RNF149: variants seen among roughly 807,000 people sequenced by gnomAD.
RNF149 encodes ring finger protein 149, also known as E3 ubiquitin-protein ligase RNF149.
Under a neutral mutation model 39.0 loss-of-function variants are expected in RNF149, and 21 were observed. The ratio of observed to expected loss-of-function variants is 0.54; its 90% CI spans 0.38 to 0.77. The LOEUF (loss-of-function observed/expected upper bound fraction) is 0.77, where lower values mean the gene tolerates loss of function less well. Among genes scored for constraint, RNF149 ranks in the 30% least tolerant of loss-of-function variants. The pLI is 0.00. For missense variants in RNF149, 493 were observed against 534.9 expected, an observed-to-expected ratio of 0.92 and a Z score of 0.77; for synonymous variants, 209 against 213.6, an observed-to-expected ratio of 0.98 and a Z score of 0.19.
At chr2:101,303,988 A>G (rs1683559838) in intron 1 of RNF149, among the ~76,000 whole-genome samples, 1 of 152,232 alleles carries the variant, frequency 6.6e-6, no homozygotes. Context: ...GTTAACAAAC[A>G]TATGTATGTT....
chr2:101,294,619 C>G, intron 2 of RNF149: 1 of 270,704 alleles, frequency 3.7e-6, no homozygotes, highest in South Asian at 5.1e-5. Flanking sequence ...GGCTTTACTA[C>G]GGCTCCATGA....
chr2:101,296,442 T>G (rs1683238394), intron 1 of RNF149, among the ~76,000 whole-genome samples: 1 of 152,150 alleles, frequency 6.6e-6, no homozygotes, highest in Non-Finnish European at 1.5e-5. Context: ...GAACAATGTT[T>G]TAAACAGTGA....
intron 3 of RNF149, among the ~76,000 whole-genome samples, chr2:101,289,409 T>C (rs1682919649): frequency 6.6e-6 from 1 of 152,142 alleles, no homozygotes; most frequent in African/African-American, 2.4e-5. Flanking sequence ...TATTTATTTT[T>C]AAGAGACAGG....
intron 1 of RNF149, among the ~76,000 whole-genome samples, chr2:101,301,594 C>T (rs531240810): frequency 4.2e-4 from 64 of 152,276 alleles, no homozygotes; most frequent in Non-Finnish European, 7.4e-4. Flanking sequence ...GTATGCATCA[C>T]GATGTCCCAC....
Position 101,276,330 on chromosome 2 carries a change from GA to G in RNF149, c.*907del. The G allele has an allele frequency of 2.0e-6, 2 of 985,754 alleles. No homozygotes were observed. The highest frequency in any genetic ancestry group is 9.4e-5 in the South Asian group (2 of 21,292). The allele number at this position is 985,754 out of a possible 1,614,324, so 61.1% of individuals were successfully genotyped here. A position where few individuals can be genotyped will look rare whatever the true frequency, so the allele number is the denominator to read the frequency against. ...AGAACAGCAAGCAAGTAAAAAAGAA[GA>G]AACGGTTAAGCAAGGTCATGGTATT... On this transcript the variant is annotated 3_prime_UTR_variant, in exon 7 of 7. Coordinates refer to ENST00000295317, the MANE Select transcript of RNF149 (RefSeq NM_173647.4).
At chr2:101,301,393 T>TTA (rs1295179036) in intron 1 of RNF149, among the ~76,000 whole-genome samples, 3 of 151,890 alleles carry the variant, frequency 2.0e-5, no homozygotes, top group African/African-American at 7.3e-5. Context: ...AGCTGCACGA[T>TTA]TATAGCTCAC....
intron 1 of RNF149, among the ~76,000 whole-genome samples, chr2:101,304,666 T>C (rs1683587513): frequency 6.6e-6 from 1 of 152,102 alleles, no homozygotes; most frequent in South Asian, 2.1e-4. Context: ...ACAGCAACAG[T>C]CCTTACAGTT....
At chr2:101,281,733 A>T in intron 6 of RNF149, 126 bp downstream of exon 6, 2 of 1,153,142 alleles carry the variant, frequency 1.7e-6, no homozygotes, top group South Asian at 1.4e-5. Flanking sequence ...ATTTCTGGTT[A>T]CTTACTCTTC....
rs1367098487 is a variant in RNF149 at position 101,308,227 on chromosome 2, T to G, written c.362A>C (p.Lys121Thr). Residue 121 changes from lysine (K) to threonine (T), a missense_variant, in exon 1 of 7, where the codon AAG becomes ACG. Physicochemically the swap from Lys to Thr is moderately conservative, Grantham distance 78. Transcript: ENST00000295317. The part of the protein sequence containing the change: ...ALVARGGCTF[K>T]DKVLVAARRN... ...CCGCGCCGCCACCAGCACCTTGTCCTTGAAGGTGCAGCCCCCACGAGCCAC... is the reference window on the plus strand; with the variant it reads ...CCGCGCCGCCACCAGCACCTTGTCCGTGAAGGTGCAGCCCCCACGAGCCAC... 3 of 1,605,082 alleles carry G rather than the reference T, an allele frequency of 1.9e-6. No individual in the cohort carries two copies. In the South Asian group the frequency reaches 3.3e-5, roughly 18 times the overall value.
intron 6 of RNF149, among the ~76,000 whole-genome samples, chr2:101,280,538 T>C (rs1682542374): frequency 6.6e-6 from 1 of 152,090 alleles, no homozygotes; most frequent in Admixed American, 6.5e-5. Context: ...AAGAAAGACC[T>C]TCCTAAGTCA....
chr2:101,295,259 C>T (rs1268535087), intron 1 of RNF149, 78 bp from the exon 2 acceptor site: 12 of 1,187,868 alleles, frequency 1.0e-5, no homozygotes, highest in Non-Finnish European at 1.3e-5. Context: ...TATAAGGGTA[C>T]TATGTTCATC....
At chr2:101,305,277 G>A (rs191812511) in intron 1 of RNF149, among the ~76,000 whole-genome samples, 1 of 152,254 alleles carries the variant, frequency 6.6e-6, no homozygotes, top group Admixed American at 6.5e-5. Flanking sequence ...CTAAGTCTGA[G>A]CTGTCTTCAA....
chr2:101,307,985 G>A (rs1416276205), intron 1 of RNF149, 144 bp downstream of exon 1: 1 of 1,433,996 alleles, frequency 7.0e-7, no homozygotes, highest in Non-Finnish European at 9.1e-7. Context: ...AGCAAACGAG[G>A]GCTTCCCTGA....
downstream of RNF149, among the ~76,000 whole-genome samples, chr2:101,272,200 C>T (rs900154219): frequency 6.6e-6 from 1 of 152,178 alleles, no homozygotes; most frequent in Non-Finnish European, 1.5e-5. Context: ...TGTATAATCC[C>T]GGATCTGATA....
At chr2:101,299,548 C>T (rs1683371897) in intron 1 of RNF149, among the ~76,000 whole-genome samples, 1 of 152,176 alleles carries the variant, frequency 6.6e-6, no homozygotes, top group African/African-American at 2.4e-5. Context: ...CTATATGGCA[C>T]TTTGCAAGCT....
intron 1 of RNF149, among the ~76,000 whole-genome samples, chr2:101,302,701 C>T (rs145259538): frequency 3.9e-4 from 60 of 152,256 alleles, no homozygotes; most frequent in Non-Finnish European, 7.6e-4. Context: ...CAACCTCGGC[C>T]AGGTGTGGTG....
At chr2:101,283,057 T>C (rs563204639) in intron 5 of RNF149, among the ~76,000 whole-genome samples, 3 of 152,320 alleles carry the variant, frequency 2.0e-5, no homozygotes, top group African/African-American at 4.8e-5. Context: ...ACCCTGTCTG[T>C]TCACTCCACA....
At chr2:101,307,961 G>A (rs1470174539) in intron 1 of RNF149, 168 bp downstream of exon 1, 1 of 985,298 alleles carries the variant, frequency 1.0e-6, no homozygotes, top group African/African-American at 1.7e-5. Flanking sequence ...AACAGCGATC[G>A]GGGAGCCGCA....
chr2:101,291,211 C>T lies in RNF149; in HGVS notation c.781-2156G>A, dbSNP rs572485613. On this transcript the variant is annotated intron_variant, in intron 3 of 6. Transcript: ENST00000295317. The stretch of plus-strand genomic sequence containing the variant: ...CTGTCGCCAGGCTGGAGGGCAGTGG[C>T]GCGATCTTGGCTCACTGCAACCTCC... Among the ~76,000 whole-genome samples the T allele has an allele frequency of 9.9e-5, 15 of 151,852 alleles. No homozygotes were observed. In the East Asian group the frequency reaches 2.7e-3, roughly 27 times the overall value.
Sources: gnomAD v4.1 joint callset for allele counts (sites outside exome capture counted in the v4.1 genomes callset) on GRCh38, gnomAD v4.1.1 for gene constraint, MANE v1.5 for transcripts, NCBI Gene and HGNC (gene_info 2026-07-23, HGNC 2026-07-21) for gene names.